SLC6A16: variants seen among roughly 807,000 people sequenced by gnomAD.
SLC6A16 encodes the protein orphan sodium- and chloride-dependent neurotransmitter transporter NTT5.
Under a neutral mutation model 65.4 loss-of-function variants are expected in SLC6A16, and 54 were observed. That is an observed-to-expected ratio of 0.83 (90% CI 0.66 to 1.04). The LOEUF (loss-of-function observed/expected upper bound fraction) is 1.04. Ranked by LOEUF, SLC6A16 falls within the 50% of genes least tolerant of loss-of-function variation. The pLI is 0.00. For missense variants in SLC6A16, 816 were observed against 914.0 expected, an observed-to-expected ratio of 0.89 and a Z score of 1.38; for synonymous variants, 330 against 346.5, an observed-to-expected ratio of 0.95 and a Z score of 0.53.
rs1600601635 is a variant in SLC6A16, at chr19:49,290,746, G to T, written c.1800C>A (p.Ile600=). ...GARRFLADLT[I]LLGHPISPIF... ...TGGGAGAGATGGGGTGGCCCAACAGGATCGTCAGGTCTGCAAGGAACCTGG... is the reference window on the plus strand; with the variant it reads ...TGGGAGAGATGGGGTGGCCCAACAGTATCGTCAGGTCTGCAAGGAACCTGG... The change falls in exon 11 of 12, where the codon ATC becomes ATA. Residue 600 remains isoleucine, a synonymous_variant. Transcript: ENST00000335875. 2 of 1,611,528 alleles carry T rather than the reference G, an allele frequency of 1.2e-6. No individual in the cohort carries two copies. Among genetic ancestry groups the T allele is most frequent in the Non-Finnish European group, 1.7e-6 (2 of 1,178,894 alleles).
chr19:49,310,173 G>A lies in SLC6A16; in HGVS notation c.574-7C>T. ...GGCCGAGGATGAAGCACACCTGGGG[G>A]CCAAGGAGGATATGGCTGGGGAGGA... On this transcript the variant is annotated splice_polypyrimidine_tract_variant and splice_region_variant and intron_variant, in intron 3 of 11. Transcript: ENST00000335875. The A allele has an allele frequency of 6.2e-7, 1 of 1,614,056 alleles. No homozygotes were observed. Among genetic ancestry groups the A allele is most frequent in the Non-Finnish European group, 8.5e-7 (1 of 1,180,000 alleles).
chr19:49,337,890 G>A, the SLC6A16 span: 2 of 1,613,040 alleles, frequency 1.2e-6, no homozygotes, highest in Non-Finnish European at 1.7e-6. Context: ...GTGGGGCGGG[G>A]AAGATAAGGC....
the SLC6A16 span, among the ~76,000 whole-genome samples, chr19:49,331,188 C>CT: frequency 1.3e-5 from 2 of 151,912 alleles, no homozygotes; most frequent in Admixed American, 1.3e-4. Flanking sequence ...TGGTGTTCCA[C>CT]TTTTTTTTCC....
chr19:49,339,449 A>G, the SLC6A16 span: 372 of 1,590,968 alleles, frequency 2.3e-4, no homozygotes, highest in Non-Finnish European at 3.1e-4. The surrounding 1 kb of genome is among the most constrained non-coding windows in gnomAD (Gnocchi z 4.5). Context: ...GATCGGCCCT[A>G]AATCCCTAGA....
chr19:49,338,050 T>C, the SLC6A16 span: 3 of 1,610,438 alleles, frequency 1.9e-6, no homozygotes, highest in Admixed American at 1.7e-5. The surrounding 1 kb of genome is among the most constrained non-coding windows in gnomAD (Gnocchi z 5.0). Context: ...CTCCTCCAGT[T>C]CCCTCCCGGA....
intron 7 of SLC6A16, 179 bp downstream of exon 7, chr19:49,308,697 T>A (rs1247841073): frequency 1.4e-5 from 10 of 708,008 alleles, no homozygotes; most frequent in Admixed American, 9.7e-5. Context: ...CTGAGAAGGA[T>A]AATATATGAT....
chr19:49,301,330 T>A (rs961055291), intron 7 of SLC6A16, among the ~76,000 whole-genome samples: 6 of 148,744 alleles, frequency 4.0e-5, no homozygotes, highest in Non-Finnish European at 5.9e-5. Context: ...CCAGCTTCAG[T>A]TTCACTCCAT....
At chr19:49,332,101 C>T in the SLC6A16 span, 1 of 456,220 alleles carries the variant, frequency 2.2e-6, no homozygotes, top group South Asian at 1.5e-5. Context: ...ACCAGGGCCA[C>T]ACTCCCTCCA....
At chr19:49,325,685 C>T (rs149107770), upstream of SLC6A16, among the ~76,000 whole-genome samples, 1 of 152,160 alleles carries the variant, frequency 6.6e-6, no homozygotes, top group Non-Finnish European at 1.5e-5. Flanking sequence ...CGTTCTCATA[C>T]TTTCCGGTCT....
chr19:49,310,259 AC>A, intron 3 of SLC6A16, 93 bp from the exon 4 acceptor site: 7 of 1,603,656 alleles, frequency 4.4e-6, no homozygotes, highest in Non-Finnish European at 6.0e-6. Context: ...AAGGGATCTG[AC>A]CCATGGAGGT....
intron 4 of SLC6A16, 43 bp from the exon 5 acceptor site, chr19:49,309,869 C>T: frequency 6.3e-7 from 1 of 1,595,726 alleles, no homozygotes; most frequent in Non-Finnish European, 8.6e-7. Flanking sequence ...GACAAGGTAC[C>T]CCCTCTTCTT....
chr19:49,300,294 C>T (rs1970264728), intron 7 of SLC6A16, among the ~76,000 whole-genome samples: 1 of 152,110 alleles, frequency 6.6e-6, no homozygotes, highest in Non-Finnish European at 1.5e-5. Flanking sequence ...GCTGAGATTG[C>T]ACCACTGCTC....
intron 7 of SLC6A16, among the ~76,000 whole-genome samples, chr19:49,305,268 A>G (rs1341546309): frequency 1.3e-5 from 2 of 152,180 alleles, no homozygotes; most frequent in African/African-American, 4.8e-5. Context: ...GACTACAAAC[A>G]GGAGTGAACC....
rs373314353 is a variant in SLC6A16, at chr19:49,310,027, A to T, written c.700+13T>A. 1.9e-6 allele frequency: 3 copies of T among 1,610,574 alleles called. No homozygotes were observed. The highest frequency in any genetic ancestry group is 2.5e-6 in the Non-Finnish European group (3 of 1,178,862). ...CATTTTTCCCTTCTCCTCTTCTTTC[A>T]CTTCCTCCTCACCAAAGCCACTAGA... On this transcript the variant is annotated intron_variant, in intron 4 of 11. Coordinates refer to ENST00000335875, the MANE Select transcript of SLC6A16 (RefSeq NM_014037.3).
At chr19:49,300,279 A>G (rs1266179763) in intron 7 of SLC6A16, among the ~76,000 whole-genome samples, 1 of 152,184 alleles carries the variant, frequency 6.6e-6, no homozygotes, top group Non-Finnish European at 1.5e-5. Context: ...CAAAGGATGC[A>G]GTGAGCTGAG....
chr19:49,318,409 A>C (rs1330336677), intron 1 of SLC6A16, among the ~76,000 whole-genome samples: 1 of 152,210 alleles, frequency 6.6e-6, no homozygotes, highest in Non-Finnish European at 1.5e-5. Context: ...ACTGATCTTC[A>C]AGTAACTTAA....
intron 1 of SLC6A16, among the ~76,000 whole-genome samples, chr19:49,315,642 G>GA (rs1471844709): frequency 2.0e-5 from 3 of 151,988 alleles, no homozygotes; most frequent in Non-Finnish European, 2.9e-5. Flanking sequence ...TACCACTAGA[G>GA]AAAATCAATA....
intron 10 of SLC6A16, 96 bp from the exon 11 acceptor site, chr19:49,290,863 T>C: frequency 1.0e-6 from 1 of 999,092 alleles, no homozygotes; most frequent in Admixed American, 2.5e-5. Flanking sequence ...AACATTCTAT[T>C]GTATCTCTAA....
Position 49,294,472 on chromosome 19 carries a change from G to A in SLC6A16, c.1311C>T (p.Asn437=). Residue 437 remains asparagine (N), a synonymous_variant, in exon 8 of 12, where the codon AAC becomes AAT. Coordinates refer to ENST00000335875, the MANE Select transcript of SLC6A16 (RefSeq NM_014037.3). ...GCCAGGCATTGTAGATGGAGGTTGG[G>A]TTGTAAAGCAGGTTGACAGGGGGCT... is the stretch of plus-strand genomic sequence containing the variant. ...DAKPPVNLLY[N]PTSIYNAWLS... The A allele has an allele frequency of 6.2e-7, 1 of 1,614,088 alleles. No individual in the cohort carries two copies. Among genetic ancestry groups the A allele is most frequent in the East Asian group, 2.2e-5 (1 of 44,872 alleles).
Sources: gnomAD v4.1 joint callset for allele counts (sites outside exome capture counted in the v4.1 genomes callset) on GRCh38, gnomAD v4.1.1 for gene constraint, Gnocchi (gnomAD v3.1) non-coding constraint, MANE v1.5 for transcripts, NCBI Gene and HGNC (gene_info 2026-07-23, HGNC 2026-07-21) for gene names.